MTNR1A: variants seen among roughly 807,000 people sequenced by gnomAD.
MTNR1A encodes the protein melatonin receptor 1A.
MTNR1A carries 7 observed loss-of-function variants against 5.5 expected under a neutral mutation model. The observed-to-expected ratio is 1.28, with a 90% confidence interval of 0.73 to 2.40. The LOEUF (loss-of-function observed/expected upper bound fraction) is 2.40. MTNR1A is among the 30% of genes most tolerant of loss of function. MTNR1A has a pLI of 0.00. For synonymous variants in MTNR1A, 196 were observed against 202.7 expected (o/e 0.97, Z 0.28); for missense variants, 441 against 464.4 (o/e 0.95, Z 0.46).
At chr4:186,553,027 G>A (rs1345815451) in intron 1 of MTNR1A, among the ~76,000 whole-genome samples, 1 of 152,182 alleles carries the variant, frequency 6.6e-6, no homozygotes, top group Admixed American at 6.5e-5. Context: ...TTGAGGAGAG[G>A]AAGGTGGCAT....
Position 186,534,217 on chromosome 4 carries a change from G to A in MTNR1A, c.525C>T (p.Tyr175=). Reference sequence around the variant, plus strand: ...TGACGGACTGGGCGAAGGTGCACGAGTAGATCCTCGGGTCGTACTGGAGAG... The same window carrying A: ...TGACGGACTGGGCGAAGGTGCACGAATAGATCCTCGGGTCGTACTGGAGAG... ...AGTLQYDPRI[Y]SCTFAQSVSS... The change falls in exon 2 of 2, where the codon TAC becomes TAT. Residue 175 remains tyrosine, a synonymous_variant. Coordinates refer to ENST00000307161, the MANE Select transcript of MTNR1A (RefSeq NM_005958.4). The A allele has an allele frequency of 1.5e-5, 24 of 1,614,100 alleles. No homozygotes were observed. Among genetic ancestry groups the A allele is most frequent in the Non-Finnish European group, 2.0e-5 (24 of 1,179,962 alleles).
At chr4:186,543,851 T>C (rs1737080242) in intron 1 of MTNR1A, among the ~76,000 whole-genome samples, 1 of 152,212 alleles carries the variant, frequency 6.6e-6, no homozygotes, top group Non-Finnish European at 1.5e-5. Context: ...GAACCCAAGT[T>C]GTCAAGGGGT....
intron 1 of MTNR1A, among the ~76,000 whole-genome samples, chr4:186,538,053 C>G (rs1250623841): frequency 6.6e-6 from 1 of 152,234 alleles, no homozygotes; most frequent in East Asian, 1.9e-4. Flanking sequence ...ACTAAAATGT[C>G]AGCTTGCTGG....
chr4:186,545,132 A>C (rs563179307), intron 1 of MTNR1A, among the ~76,000 whole-genome samples: 1 of 152,166 alleles, frequency 6.6e-6, no homozygotes, highest in South Asian at 2.1e-4. Flanking sequence ...ACGAGTACCA[A>C]GCCTCTGTCT....
intron 1 of MTNR1A, among the ~76,000 whole-genome samples, chr4:186,540,551 T>C (rs577197051): frequency 1.3e-5 from 2 of 152,346 alleles, no homozygotes; most frequent in South Asian, 4.1e-4. Flanking sequence ...TACTTGGCCT[T>C]GGTAGAGTCT....
rs201512941 is a variant in MTNR1A at position 186,534,504 on chromosome 4, G to C, written c.238C>G (p.Pro80Ala). ...ATCGACATCAGCACCAACGGGTACGGATAAATGGCCACCACCAGGTCTGCC... is the reference window on the plus strand; with the variant it reads ...ATCGACATCAGCACCAACGGGTACGCATAAATGGCCACCACCAGGTCTGCC... ...AVADLVVAIY[P>A]YPLVLMSIFN... Residue 80 changes from proline (P) to alanine (A), a missense_variant, in exon 2 of 2, where the codon CCG becomes GCG. Coordinates refer to ENST00000307161, the MANE Select transcript of MTNR1A (RefSeq NM_005958.4). 2 of 1,613,968 alleles carry C rather than the reference G, an allele frequency of 1.2e-6. No individual in the cohort carries two copies. The highest frequency in any genetic ancestry group is 1.3e-5 in the African/African-American group (1 of 75,016).
chr4:186,546,423 C>T (rs917626188), intron 1 of MTNR1A, among the ~76,000 whole-genome samples: 1 of 152,134 alleles, frequency 6.6e-6, no homozygotes, highest in Middle Eastern at 3.4e-3. Context: ...CCCGCAATGC[C>T]CAGGCTTCAA....
At chr4:186,543,993 T>G (rs567830225) in intron 1 of MTNR1A, among the ~76,000 whole-genome samples, 1 of 152,128 alleles carries the variant, frequency 6.6e-6, no homozygotes, top group Non-Finnish European at 1.5e-5. Flanking sequence ...AAGGTGGAAA[T>G]GAAGCAGCAG....
At chr4:186,543,837 G>A (rs1375125867) in intron 1 of MTNR1A, among the ~76,000 whole-genome samples, 2 of 152,024 alleles carry the variant, frequency 1.3e-5, no homozygotes, top group African/African-American at 4.8e-5. Flanking sequence ...AAAAGATATA[G>A]CTAGAACCCA....
chr4:186,553,617 T>G (rs111868795), intron 1 of MTNR1A, among the ~76,000 whole-genome samples: 1,835 of 152,346 alleles, frequency 0.012, 35 homozygotes, highest in African/African-American at 0.041. Context: ...GTTCAAGCGA[T>G]TCTCCTGCCT....
intron 1 of MTNR1A, among the ~76,000 whole-genome samples, chr4:186,545,791 A>T (rs1239695785): frequency 2.0e-5 from 3 of 151,544 alleles, no homozygotes; most frequent in African/African-American, 7.3e-5. Flanking sequence ...TGTATTTTTT[A>T]AAATTGCACG....
intron 1 of MTNR1A, among the ~76,000 whole-genome samples, chr4:186,545,283 C>G (rs959027576): frequency 6.6e-6 from 1 of 152,150 alleles, no homozygotes; most frequent in Admixed American, 6.5e-5. Flanking sequence ...CCAACCATAC[C>G]GGGTAGGAGT....
chr4:186,533,883 T>A lies in MTNR1A; in HGVS notation c.859A>T (p.Asn287Tyr), dbSNP rs1736769026. Residue 287 changes from asparagine (N) to tyrosine (Y), a missense_variant, in exon 2 of 2, where the codon AAC becomes TAC. Transcript: ENST00000307161. ...FVASYYMAYF[N>Y]SCLNAIIYGL... ...TATATAATGGCATTGAGGCAGCTGT[T>A]GAAATACGCCATGTAGTAACTGGCC... 2 of 1,613,988 alleles carry A rather than the reference T, an allele frequency of 1.2e-6. No homozygotes were observed. Among genetic ancestry groups the A allele is most frequent in the African/African-American group, 2.7e-5 (2 of 74,904 alleles).
At chr4:186,543,289 G>A (rs964793861) in intron 1 of MTNR1A, among the ~76,000 whole-genome samples, 19 of 152,146 alleles carry the variant, frequency 1.2e-4, no homozygotes, top group East Asian at 1.9e-4. Context: ...AATCCCTCGC[G>A]TGTCTCAGTA....
Position 186,555,393 on chromosome 4 carries a change from G to C in MTNR1A, c.-28C>G. 1.5e-6 allele frequency: 2 copies of C among 1,371,896 alleles called. No individual in the cohort carries two copies. The highest frequency in any genetic ancestry group is 1.9e-6 in the Non-Finnish European group (2 of 1,061,458). The allele number at this position is 1,371,896 out of a possible 1,614,324, so 85.0% of individuals were successfully genotyped here. ...TCCCTGTGCGCGTCCCGGCCGCGGG[G>C]CCATCGCCCGCCTCGTCCGCCCGCC... On this transcript the variant is annotated 5_prime_UTR_variant, in exon 1 of 2. Coordinates refer to ENST00000307161, the MANE Select transcript of MTNR1A (RefSeq NM_005958.4). This position sits in a 1 kb window ranked among gnomAD's most constrained non-coding sequence, Gnocchi z 4.1.
At chr4:186,554,365 G>A (rs13147179) in intron 1 of MTNR1A, among the ~76,000 whole-genome samples, 141,174 of 151,896 alleles carry the variant, frequency 0.93, 65,815 homozygotes, top group East Asian at 1. Context: ...TTCGTTCCCC[G>A]CCCCTTCTCC....
At chr4:186,549,361 G>A (rs551009357) in intron 1 of MTNR1A, among the ~76,000 whole-genome samples, 1 of 152,140 alleles carries the variant, frequency 6.6e-6, no homozygotes, top group Non-Finnish European at 1.5e-5. Flanking sequence ...TCCAGCAGGC[G>A]TTTCTTCGAA....
chr4:186,551,792 A>G (rs1178089031), intron 1 of MTNR1A, among the ~76,000 whole-genome samples: 2 of 152,202 alleles, frequency 1.3e-5, no homozygotes, highest in Non-Finnish European at 2.9e-5. Context: ...TCTGAGTGGT[A>G]ATGCAGAATG....
At chr4:186,542,890 G>A (rs1262371233) in intron 1 of MTNR1A, among the ~76,000 whole-genome samples, 1 of 151,996 alleles carries the variant, frequency 6.6e-6, no homozygotes, top group Non-Finnish European at 1.5e-5. Context: ...TGAGCCCAGG[G>A]GTTCAAGACC....
Sources: allele counts gnomAD v4.1 joint callset (sites outside exome capture counted in the v4.1 genomes callset), GRCh38; gene constraint gnomAD v4.1.1; non-coding constraint Gnocchi (gnomAD v3.1); transcripts MANE v1.5; gene names NCBI Gene and HGNC (gene_info 2026-07-23, HGNC 2026-07-21).